MET: variants seen among roughly 807,000 people sequenced by gnomAD.
MET encodes MET proto-oncogene, receptor tyrosine kinase.
Under a neutral mutation model 133.1 loss-of-function variants are expected in MET, and 48 were observed. The ratio of observed to expected loss-of-function variants is 0.36; its 90% confidence interval spans 0.29 to 0.46. MET has a LOEUF of 0.46. Ranked by LOEUF, MET falls within the 20% of genes least tolerant of loss-of-function variation. The pLI is 1.00. For synonymous variants in MET, 628 were observed against 616.5 expected, an observed-to-expected ratio of 1.02 and a Z score of -0.28; for missense variants, 1,442 against 1,695.9, an observed-to-expected ratio of 0.85 and a Z score of 2.63.
chr7:116,706,927 C>T lies in MET; in HGVS notation c.1200+6643C>T, dbSNP rs550462929. ...TTTTTTAAATAGTATATGTGGTAACCGAATCTAGGATCCTGGATACATTCC... is the reference window on the plus strand; with the variant it reads ...TTTTTTAAATAGTATATGTGGTAACTGAATCTAGGATCCTGGATACATTCC... On this transcript the variant is annotated intron_variant, in intron 2 of 20. Coordinates refer to ENST00000397752, the MANE Select transcript of MET (RefSeq NM_000245.4). 8.0e-5 allele frequency among the ~76,000 whole-genome samples: 12 copies of T among 149,938 alleles called. No homozygotes were observed. In the South Asian group the frequency reaches 1.9e-3, roughly 24 times the overall value.
At position 116,699,129 on chromosome 7, in the gene MET, G is replaced by A. The variant is rs778415960; in HGVS notation, c.45G>A (p.Leu15=). 2 of 1,613,842 alleles carry A rather than the reference G, an allele frequency of 1.2e-6. No homozygotes were observed. The highest frequency in any genetic ancestry group is 1.7e-6 in the Non-Finnish European group (2 of 1,179,866). ...TTGCACCTGGCATCCTCGTGCTCCT[G>A]TTTACCTTGGTGCAGAGGAGCAATG... ...AVLAPGILVL[L]FTLVQRSNGE... The change falls in exon 2 of 21, where the codon CTG becomes CTA. Residue 15 remains leucine (L), a synonymous_variant. Transcript: ENST00000397752.
intron 15 of MET, among the ~76,000 whole-genome samples, chr7:116,776,222 C>T (rs1001193997): frequency 2.0e-5 from 3 of 152,214 alleles, no homozygotes; most frequent in African/African-American, 7.2e-5. Flanking sequence ...ACAAGGCCTT[C>T]TCACTTTCCT....
chr7:116,726,183 TATAAA>T (rs1270936535), intron 2 of MET, among the ~76,000 whole-genome samples: 5 of 70,766 alleles, frequency 7.1e-5, no homozygotes, highest in South Asian at 4.9e-4. Context: ...ATATATGGGA[TATAAA>T]ACAAATACTC....
intron 5 of MET, among the ~76,000 whole-genome samples, chr7:116,747,025 A>T (rs1235496768): frequency 1.3e-5 from 2 of 152,220 alleles, no homozygotes; most frequent in Non-Finnish European, 2.9e-5. Flanking sequence ...CCAGAATTTC[A>T]TATCCAGCCA....
intron 19 of MET, among the ~76,000 whole-genome samples, chr7:116,794,746 G>T (rs1276037404): frequency 6.6e-6 from 1 of 152,128 alleles, no homozygotes; most frequent in Non-Finnish European, 1.5e-5. Context: ...GGCCAGAACT[G>T]CCCCCCTGGG....
chr7:116,779,634 G>T (rs1011074196), intron 17 of MET, among the ~76,000 whole-genome samples: 5 of 151,872 alleles, frequency 3.3e-5, no homozygotes, highest in African/African-American at 1.2e-4. Context: ...CAATACTATG[G>T]CCATGAGCCA....
chr7:116,714,231 CA>C (rs368798475), intron 2 of MET, among the ~76,000 whole-genome samples: 138 of 152,306 alleles, frequency 9.1e-4, no homozygotes, highest in African/African-American at 3.2e-3. Context: ...CTTAGAATTC[CA>C]AGGTCCATAT....
chr7:116,693,156 A>G (rs937297140), intron 1 of MET, among the ~76,000 whole-genome samples: 1 of 152,246 alleles, frequency 6.6e-6, no homozygotes, highest in African/African-American at 2.4e-5. Flanking sequence ...AGTCAATGGC[A>G]TTGGTGTAAA....
intron 11 of MET, among the ~76,000 whole-genome samples, chr7:116,765,590 C>T (rs1193509014): frequency 6.6e-6 from 1 of 152,028 alleles, no homozygotes; most frequent in African/African-American, 2.4e-5. Flanking sequence ...TCCTAAGCCC[C>T]ATGGATGGAG....
intron 8 of MET, 93 bp from the exon 9 acceptor site, chr7:116,758,366 C>G: frequency 3.8e-6 from 5 of 1,310,238 alleles, no homozygotes; most frequent in Non-Finnish European, 5.5e-6. Flanking sequence ...ACTTAGGAAC[C>G]ATTGAGTTAT....
At chr7:116,754,885 G>GAGAA (rs1182416668) in intron 5 of MET, among the ~76,000 whole-genome samples, 2 of 97,668 alleles carry the variant, frequency 2.0e-5, no homozygotes, top group African/African-American at 7.6e-5. Flanking sequence ...GAGAGAGAGA[G>GAGAA]AGAAAGAGAG....
In MET at chr7:116,712,122, C is replaced by T. The variant is rs112798793; in HGVS notation, c.1200+11838C>T. Among the ~76,000 whole-genome samples the T allele has an allele frequency of 1.3e-3, 194 of 152,306 alleles. 2 individuals are homozygous for T. The highest frequency in any genetic ancestry group is 4.5e-3 in the African/African-American group (189 of 41,562). On this transcript the variant is annotated intron_variant, in intron 2 of 20. Transcript: ENST00000397752. Reference sequence around the variant, plus strand: ...TCTTGTAGTTCCCAGAATCCATCAGCCTCCCTCACAACCCTGCCTTAACAC... The same window carrying T: ...TCTTGTAGTTCCCAGAATCCATCAGTCTCCCTCACAACCCTGCCTTAACAC...
chr7:116,753,994 G>C (rs746146071), intron 5 of MET, among the ~76,000 whole-genome samples: 18 of 152,176 alleles, frequency 1.2e-4, no homozygotes, highest in Non-Finnish European at 2.1e-4. Context: ...AATTAGCTGG[G>C]TGAGGTGGCG....
At chr7:116,774,828 C>G (rs1794942486) in intron 14 of MET, 53 bp from the exon 15 acceptor site, 1 of 1,350,276 alleles carries the variant, frequency 7.4e-7, no homozygotes, top group Admixed American at 1.7e-5. Context: ...GTTTCAGTCC[C>G]CATTAAATGA....
chr7:116,763,773 G>A (rs1208081371), intron 11 of MET, among the ~76,000 whole-genome samples: 1 of 152,148 alleles, frequency 6.6e-6, no homozygotes, highest in Non-Finnish European at 1.5e-5. Context: ...ATTTAATAGA[G>A]AATAACAGAT....
chr7:116,709,084 G>C (rs1791900145), intron 2 of MET, among the ~76,000 whole-genome samples: 1 of 152,078 alleles, frequency 6.6e-6, no homozygotes, highest in African/African-American at 2.4e-5. Context: ...AGAGACAAGT[G>C]CTCACAAGGA....
rs1461919388 is a variant in MET, at chr7:116,672,245, G to T, written c.-347G>T. The T allele has an allele frequency of 6.1e-6, 1 of 164,642 alleles. No individual in the cohort carries two copies. Among genetic ancestry groups the T allele is most frequent in the East Asian group, 1.8e-4 (1 of 5,556 alleles). 10.2% of individuals were successfully genotyped at this position (164,642 alleles called of 1,614,324 possible). Reference sequence around the variant, plus strand: ...GAGCGCCTCAGTCTGGTCGCCTGGCGGTGCCTCCGGCCCCAACGCGCCCGG... The same window carrying T: ...GAGCGCCTCAGTCTGGTCGCCTGGCTGTGCCTCCGGCCCCAACGCGCCCGG... On this transcript the variant is annotated 5_prime_UTR_variant, in exon 1 of 21. Transcript: ENST00000397752.
intron 5 of MET, 178 bp downstream of exon 5, chr7:116,741,203 C>T (rs1793440390): frequency 2.8e-6 from 2 of 726,162 alleles, no homozygotes; most frequent in African/African-American, 1.8e-5. Flanking sequence ...TCTCTCTTGG[C>T]TTTATCCCTC....
intron 3 of MET, among the ~76,000 whole-genome samples, chr7:116,738,660 G>T (rs1219383236): frequency 6.6e-6 from 1 of 152,116 alleles, no homozygotes; most frequent in African/African-American, 2.4e-5. Flanking sequence ...ATGTGAGCTT[G>T]GTTAGTTTCT....
Sources: allele counts gnomAD v4.1 joint callset (sites outside exome capture counted in the v4.1 genomes callset), GRCh38; gene constraint gnomAD v4.1.1; transcripts MANE v1.5; gene names NCBI Gene and HGNC (gene_info 2026-07-23, HGNC 2026-07-21).